The following ITPR1 variants were observed in gnomAD, a reference collection of about 807,000 sequenced individuals.
The protein encoded by ITPR1 is inositol 1,4,5-trisphosphate-gated calcium channel ITPR1.
A neutral mutation model predicts 318.4 loss-of-function variants in ITPR1; 96 were observed. The observed-to-expected ratio is 0.30, with a 90% confidence interval of 0.26 to 0.36. The LOEUF is 0.36. ITPR1 is among the 10% of genes least tolerant of loss of function. ITPR1 has a pLI of 1.00. For synonymous variants in ITPR1, 1,312 were observed against 1,289.9 expected (o/e 1.02, Z -0.37); for missense variants, 2,440 against 3,460.2 (o/e 0.71, Z 7.40).
At chr3:4,837,825 A>G (rs190614594) in intron 61 of ITPR1, among the ~76,000 whole-genome samples, 3 of 152,290 alleles carry the variant, frequency 2.0e-5, no homozygotes, top group Admixed American at 2.0e-4. Flanking sequence ...GATTGGTTTT[A>G]TTAGTGCATT....
chr3:4,832,985 G>C (rs1340648877), intron 60 of ITPR1, among the ~76,000 whole-genome samples: 3 of 152,256 alleles, frequency 2.0e-5, no homozygotes, highest in African/African-American at 7.2e-5. Context: ...CAGCTCCACA[G>C]AGGCGAAGAA....
intron 7 of ITPR1, among the ~76,000 whole-genome samples, chr3:4,643,627 C>G (rs751569151): frequency 6.6e-6 from 1 of 151,100 alleles, no homozygotes; most frequent in Non-Finnish European, 1.5e-5. Context: ...GTTTTAGTTA[C>G]ATATATATAT....
chr3:4,829,464 A>G (rs757058348), intron 60 of ITPR1, among the ~76,000 whole-genome samples: 1 of 152,206 alleles, frequency 6.6e-6, no homozygotes, highest in Non-Finnish European at 1.5e-5. Flanking sequence ...GACTCACAGG[A>G]TAGAAGAAGA....
In ITPR1 at chr3:4,836,062, C is replaced by T. The variant is rs1028066321; in HGVS notation, c.8029-712C>T. Among the ~76,000 whole-genome samples, 12 of 152,262 alleles carry T rather than the reference C, an allele frequency of 7.9e-5. No individual in the cohort carries two copies. The South Asian group carries it at 8.3e-4, about 11-fold the overall frequency. ...AGCCTCTTAATGATCTCCTCACCCACGCAAACGCATACATGCACACGTATC... is the reference window on the plus strand; with the variant it reads ...AGCCTCTTAATGATCTCCTCACCCATGCAAACGCATACATGCACACGTATC... On this transcript the variant is annotated intron_variant, in intron 60 of 61. Coordinates refer to ENST00000649015, the MANE Select transcript of ITPR1 (RefSeq NM_001378452.1).
chr3:4,819,602 A>G (rs2049547955), intron 60 of ITPR1, among the ~76,000 whole-genome samples: 1 of 152,174 alleles, frequency 6.6e-6, no homozygotes, highest in Admixed American at 6.5e-5. Flanking sequence ...CTAATCCTTT[A>G]CATACATTTG....
intron 13 of ITPR1, among the ~76,000 whole-genome samples, chr3:4,660,134 A>T (rs957723902): frequency 1.3e-5 from 2 of 152,200 alleles, no homozygotes; most frequent in Non-Finnish European, 2.9e-5. Flanking sequence ...TTACTTCCCT[A>T]AGCTCTTGTT....
At chr3:4,679,025 G>A (rs960115383) in intron 24 of ITPR1, among the ~76,000 whole-genome samples, 50 of 152,176 alleles carry the variant, frequency 3.3e-4, no homozygotes, top group African/African-American at 1.1e-3. Context: ...GGTGAATTTG[G>A]TTCTGTAAAT....
intron 60 of ITPR1, among the ~76,000 whole-genome samples, chr3:4,821,618 C>G (rs1377562916): frequency 6.6e-6 from 1 of 152,220 alleles, no homozygotes; most frequent in Non-Finnish European, 1.5e-5. Context: ...CCATGGCCCT[C>G]CCTGCCTAGT....
chr3:4,696,677 T>G (rs1299164457), intron 33 of ITPR1, among the ~76,000 whole-genome samples: 4 of 148,974 alleles, frequency 2.7e-5, no homozygotes, highest in Admixed American at 6.6e-5. Flanking sequence ...CCGTGTGTTT[T>G]TTTTTTTTTT....
intron 4 of ITPR1, among the ~76,000 whole-genome samples, chr3:4,615,963 T>C (rs1294833978): frequency 1.3e-5 from 2 of 152,192 alleles, no homozygotes; most frequent in Non-Finnish European, 2.9e-5. Context: ...TCTTTTGTCT[T>C]CTAATAACAC....
rs1171860541 is a variant in ITPR1 at position 4,609,089 on chromosome 3, T to TATATATATATACACACAC, written c.164-18673_164-18672insTATATATATACACACACA. On this transcript the variant is annotated intron_variant, in intron 4 of 61. Coordinates refer to ENST00000649015, the MANE Select transcript of ITPR1 (RefSeq NM_001378452.1). ...ATATATATATATATATATATATATATACACACACACGTATGTCAGTGGTGG... is the reference window on the plus strand; with the variant it reads ...ATATATATATATATATATATATATATATATATATATACACACACACACACACACGTATGTCAGTGGTGG... 3.8e-4 allele frequency among the ~76,000 whole-genome samples: 35 copies of TATATATATATACACACAC among 91,904 alleles called. 1 individual carries two copies. The highest frequency in any genetic ancestry group is 6.8e-4 in the East Asian group (2 of 2,942). The allele number at this position is 91,904 out of a possible 152,430, so 60.3% of individuals were successfully genotyped here. A position where few individuals can be genotyped will look rare whatever the true frequency, so the allele number is the denominator to read the frequency against.
chr3:4,728,616 A>G (rs186297144), intron 42 of ITPR1, among the ~76,000 whole-genome samples: 1 of 152,356 alleles, frequency 6.6e-6, no homozygotes, highest in Admixed American at 6.5e-5. Flanking sequence ...TCTTTAAGTT[A>G]CTTTAAAATG....
At chr3:4,534,435 T>G (rs1470583211) in intron 4 of ITPR1, among the ~76,000 whole-genome samples, 1 of 152,210 alleles carries the variant, frequency 6.6e-6, no homozygotes, top group Non-Finnish European at 1.5e-5. Flanking sequence ...ATTGTGCTTA[T>G]TCTCATTGGC....
chr3:4,741,954 C>T (rs1192925878), intron 44 of ITPR1, among the ~76,000 whole-genome samples: 1 of 152,084 alleles, frequency 6.6e-6, no homozygotes, highest in Non-Finnish European at 1.5e-5. Flanking sequence ...TCCTCCTGCA[C>T]GTGGGGGTTC....
intron 4 of ITPR1, among the ~76,000 whole-genome samples, chr3:4,617,092 T>A (rs1014681402): frequency 6.6e-6 from 1 of 152,082 alleles, no homozygotes; most frequent in African/African-American, 2.4e-5. Context: ...TTATAGGTTA[T>A]ACATATGTAC....
In ITPR1 at chr3:4,670,824, G is replaced by T; in HGVS notation, c.2102G>T (p.Trp701Leu). 6.2e-7 allele frequency: 1 copy of T among 1,610,656 alleles called. No individual in the cohort carries two copies. The highest frequency in any genetic ancestry group is 8.5e-7 in the Non-Finnish European group (1 of 1,178,420). Reference protein sequence around the residue: ...GEDEEEVWLFWRDSNKEIRSK... With the variant: ...GEDEEEVWLFLRDSNKEIRSK... ...GACGAGGAAGAGGTGTGGCTGTTTT[G>T]GAGGGACAGCAACAAAGAGATTCGC... The change falls in exon 20 of 62, where the codon TGG becomes TTG. Residue 701 changes from tryptophan (W) to leucine (L), a missense_variant. Around this residue, in one of 23 missense-constraint regions of ITPR1, gnomAD observed 478 missense variants for 696.3 expected, o/e 0.69. Transcript: ENST00000649015.
intron 4 of ITPR1, among the ~76,000 whole-genome samples, chr3:4,607,565 A>G (rs959866600): frequency 6.6e-6 from 1 of 152,122 alleles, no homozygotes; most frequent in Non-Finnish European, 1.5e-5. Flanking sequence ...TAAATGGAAG[A>G]CTGGAGGTTT....
rs2092884572 is a variant in ITPR1 at position 4,627,766 on chromosome 3, G to C, written c.167G>C (p.Cys56Ser). Residue 56 changes from cysteine to serine, a missense_variant, in exon 5 of 62, where the codon TGC (cysteine) becomes TCC (serine). Physicochemically the swap from Cys to Ser is moderately radical, Grantham distance 112. Coordinates refer to ENST00000649015, the MANE Select transcript of ITPR1 (RefSeq NM_001378452.1). ...TGTTTGTTTGCTTCACTTCTAGACT[G>C]CCTCTTTAAGCTATGTCCCATGAAC... ...LNNPPKKFRDCLFKLCPMNRY... is the reference protein window; with the variant it reads ...LNNPPKKFRDSLFKLCPMNRY... 6.2e-7 allele frequency: 1 copy of C among 1,606,090 alleles called. No individual in the cohort carries two copies. The highest frequency in any genetic ancestry group is 8.5e-7 in the Non-Finnish European group (1 of 1,173,162).
chr3:4,691,030 G>C, intron 31 of ITPR1, 114 bp from the exon 32 acceptor site: 1 of 635,074 alleles, frequency 1.6e-6, no homozygotes, highest in Middle Eastern at 2.7e-4. Context: ...ATCTTCATGG[G>C]TTTAAATGCT....
Sources: allele counts gnomAD v4.1 joint callset (sites outside exome capture counted in the v4.1 genomes callset), GRCh38; gene constraint gnomAD v4.1.1; regional missense constraint gnomAD v4.1.1; transcripts MANE v1.5; gene names NCBI Gene and HGNC (gene_info 2026-07-23, HGNC 2026-07-21).